CDKL3: variants seen among roughly 807,000 people sequenced by gnomAD.
The protein encoded by CDKL3 is cyclin-dependent kinase-like 3.
CDKL3 carries 65 observed loss-of-function variants against 69.3 expected under a neutral mutation model. The observed-to-expected ratio is 0.94, with a 90% CI of 0.77 to 1.15. The LOEUF (loss-of-function observed/expected upper bound fraction) is 1.15. CDKL3 is among the 50% of genes most tolerant of loss of function. The probability of loss-of-function intolerance (pLI) is 0.00; values close to 1 mark genes in which losing one functional copy is unlikely to be tolerated. For synonymous variants in CDKL3, 202 were observed against 221.6 expected (o/e 0.91, Z 0.79); for missense variants, 652 against 689.2 (o/e 0.95, Z 0.61).
intron 4 of CDKL3, among the ~76,000 whole-genome samples, chr5:134,326,622 T>C (rs1165965685): frequency 2.6e-5 from 4 of 151,760 alleles, no homozygotes; most frequent in African/African-American, 9.7e-5. Context: ...TACTCTCTTA[T>C]TAGTTTATCA....
intron 12 of CDKL3, chr5:134,299,674 T>G (rs201598823): frequency 6.5e-7 from 1 of 1,529,614 alleles, no homozygotes; most frequent in Non-Finnish European, 8.7e-7. Context: ...TGGGATTCCC[T>G]GAATTTTCAG....
Position 134,366,374 on chromosome 5 carries a change from T to C in CDKL3, c.150A>G (p.Glu50=). Residue 50 remains glutamate (E), a synonymous_variant, in exon 2 of 13, where the codon GAA becomes GAG. Coordinates refer to ENST00000265334, the MANE Select transcript of CDKL3 (RefSeq NM_001113575.2). ...EQSVNKIAMR[E]IKFLKQFHHE... The stretch of plus-strand genomic sequence containing the variant: ...AGAAGCAAACCTTTAGAAACTTTAT[T>C]TCTCTCATCGCAATTTTGTTGACAG... 1 of 1,572,794 alleles carries C rather than the reference T, an allele frequency of 6.4e-7. No homozygotes were observed. Among genetic ancestry groups the C allele is most frequent in the Non-Finnish European group, 8.6e-7 (1 of 1,163,138 alleles).
chr5:134,356,599 C>T (rs907447839), intron 3 of CDKL3, among the ~76,000 whole-genome samples: 2 of 152,070 alleles, frequency 1.3e-5, no homozygotes, highest in African/African-American at 2.4e-5. Context: ...GCCTGGCTAA[C>T]GTGGTGAAAC....
downstream of CDKL3, among the ~76,000 whole-genome samples, chr5:134,293,811 A>T (rs148331926): frequency 6.4e-3 from 972 of 151,620 alleles, 8 homozygotes; most frequent in African/African-American, 0.021. Context: ...ACAAAAAAAA[A>T]TTTTTTAAAT....
intron 4 of CDKL3, among the ~76,000 whole-genome samples, chr5:134,344,490 G>C (rs1465717775): frequency 2.0e-5 from 3 of 152,214 alleles, no homozygotes; most frequent in East Asian, 3.9e-4. Context: ...GATCTGAACA[G>C]ACATTTCTCC....
intron 4 of CDKL3, among the ~76,000 whole-genome samples, 184 bp from the exon 5 acceptor site, chr5:134,322,087 CT>C (rs1384455728): frequency 6.6e-6 from 1 of 152,130 alleles, no homozygotes; most frequent in Non-Finnish European, 1.5e-5. Flanking sequence ...GTGCTGCAAT[CT>C]CAGCTCACTG....
At chr5:134,311,432 G>T (rs887509239) in intron 7 of CDKL3, among the ~76,000 whole-genome samples, 3 of 152,048 alleles carry the variant, frequency 2.0e-5, no homozygotes, top group Non-Finnish European at 4.4e-5. Flanking sequence ...TTGAACCCGG[G>T]AGATGGAGGT....
chr5:134,330,925 G>A (rs900655719), intron 4 of CDKL3, among the ~76,000 whole-genome samples: 9 of 152,124 alleles, frequency 5.9e-5, no homozygotes, highest in African/African-American at 2.2e-4. Context: ...TCGTCTTCAG[G>A]ATAATGTTAG....
At chr5:134,301,249 C>T (rs1766224672) in intron 12 of CDKL3, among the ~76,000 whole-genome samples, 1 of 152,178 alleles carries the variant, frequency 6.6e-6, no homozygotes, top group Non-Finnish European at 1.5e-5. Flanking sequence ...CCACCCTCTT[C>T]AGCCTCCCAA....
At chr5:134,364,967 T>C (rs1757058824) in intron 2 of CDKL3, among the ~76,000 whole-genome samples, 1 of 149,850 alleles carries the variant, frequency 6.7e-6, no homozygotes, top group African/African-American at 2.5e-5. Flanking sequence ...ACACTATGCC[T>C]GGCTAATTTT....
chr5:134,292,042 C>A (rs549094656), intron 8 of CDKL3, among the ~76,000 whole-genome samples: 61 of 152,260 alleles, frequency 4.0e-4, no homozygotes, highest in African/African-American at 1.4e-3. Context: ...AGGATTTCAA[C>A]AGTCTTCCCT....
At chr5:134,296,828 C>T (rs1454776744), downstream of CDKL3, among the ~76,000 whole-genome samples, 1 of 151,954 alleles carries the variant, frequency 6.6e-6, no homozygotes, top group Non-Finnish European at 1.5e-5. Flanking sequence ...CACGCACACA[C>T]ACGGATCTCT....
At chr5:134,303,671 C>T (rs973859633) in intron 11 of CDKL3, among the ~76,000 whole-genome samples, 1 of 108,878 alleles carries the variant, frequency 9.2e-6, no homozygotes, top group Admixed American at 1.0e-4. Context: ...TGGTGGAACC[C>T]CCCCCCCGTC....
chr5:134,350,280 C>T lies in CDKL3; in HGVS notation c.508G>A (p.Glu170Lys), dbSNP rs753629623. 21 of 1,586,796 alleles carry T rather than the reference C, an allele frequency of 1.3e-5. No individual in the cohort carries two copies. The highest frequency in any genetic ancestry group is 2.7e-5 in the African/African-American group (2 of 74,346). The change falls in exon 4 of 13, where the codon GAA becomes AAA. Residue 170 changes from glutamate (E) to lysine (K), a missense_variant. Physicochemically the swap from Glu to Lys is moderately conservative, Grantham distance 56 (BLOSUM62 1). Coordinates refer to ENST00000265334, the MANE Select transcript of CDKL3 (RefSeq NM_001113575.2). ...YVATRWYRAP[E>K]LVLKDTSYGK... is the part of the protein sequence containing the mutation. ...TAAGAAGTATCTTTTAATACTAATT[C>T]GGGAGCTCTATACCAGCGTGTGGCC... is the stretch of plus-strand genomic sequence containing the variant.
At chr5:134,316,219 T>C (rs1330988571) in intron 6 of CDKL3, among the ~76,000 whole-genome samples, 2 of 152,218 alleles carry the variant, frequency 1.3e-5, no homozygotes, top group Non-Finnish European at 2.9e-5. Flanking sequence ...TCCAAAGTGC[T>C]AAGATTATAG....
intron 8 of CDKL3, among the ~76,000 whole-genome samples, chr5:134,289,173 A>G (rs1213298667): frequency 6.6e-6 from 1 of 150,894 alleles, no homozygotes; most frequent in Non-Finnish European, 1.5e-5. Context: ...TAAAAAAAAA[A>G]AAAAAAAAAA....
intron 2 of CDKL3, among the ~76,000 whole-genome samples, chr5:134,362,461 G>A (rs911327012): frequency 2.8e-4 from 43 of 152,250 alleles, no homozygotes; most frequent in African/African-American, 9.6e-4. Context: ...CGAGGTTGTG[G>A]TGAGCTGAGA....
intron 12 of CDKL3, chr5:134,299,347 G>T: frequency 3.3e-6 from 1 of 302,064 alleles, no homozygotes; most frequent in Non-Finnish European, 5.3e-6. Flanking sequence ...TTTTCCTTCT[G>T]TAATTATAAA....
downstream of CDKL3, among the ~76,000 whole-genome samples, chr5:134,285,289 C>A (rs1764815257): frequency 6.6e-6 from 1 of 152,202 alleles, no homozygotes; most frequent in African/African-American, 2.4e-5. Flanking sequence ...GAGGGCCCCA[C>A]CCCTGCAGCA....
Sources: allele counts gnomAD v4.1 joint callset (sites outside exome capture counted in the v4.1 genomes callset), GRCh38; gene constraint gnomAD v4.1.1; transcripts MANE v1.5; gene names NCBI Gene and HGNC (gene_info 2026-07-23, HGNC 2026-07-21).